MICU3: variants seen among roughly 807,000 people sequenced by gnomAD.
The protein encoded by MICU3 is calcium uptake protein 3, mitochondrial.
Under a neutral mutation model 66.5 loss-of-function variants are expected in MICU3, and 62 were observed. The observed-to-expected ratio is 0.93, with a 90% CI of 0.76 to 1.15. The LOEUF (loss-of-function observed/expected upper bound fraction) is 1.15, where lower values mean the gene tolerates loss of function less well. MICU3 is among the 50% of genes most tolerant of loss of function. The pLI, the probability that MICU3 is intolerant of heterozygous loss-of-function variation, is 0.00. For missense variants in MICU3, 779 were observed against 664.4 expected (o/e 1.17, Z -1.90); for synonymous variants, 308 against 240.7 (o/e 1.28, Z -2.59).
chr8:17,034,125 T>C (rs1056324625), intron 1 of MICU3, among the ~76,000 whole-genome samples: 1 of 152,218 alleles, frequency 6.6e-6, no homozygotes, highest in Non-Finnish European at 1.5e-5. Context: ...TTTACCATTC[T>C]GAAAATCCTA....
At chr8:17,074,947 T>C (rs1245921889) in intron 3 of MICU3, among the ~76,000 whole-genome samples, 1 of 152,094 alleles carries the variant, frequency 6.6e-6, no homozygotes, top group African/African-American at 2.4e-5. Context: ...TTGTTGCAAG[T>C]TTCGGGGCTC....
intron 3 of MICU3, among the ~76,000 whole-genome samples, chr8:17,070,638 G>GAT (rs763016855): frequency 0.058 from 8,070 of 140,078 alleles, 277 homozygotes; most frequent in Non-Finnish European, 0.07. Context: ...TTATAGATAT[G>GAT]TTTTTTTTTT....
chr8:17,119,123 C>G (rs1030297258), intron 14 of MICU3, among the ~76,000 whole-genome samples: 1 of 152,070 alleles, frequency 6.6e-6, no homozygotes, highest in Non-Finnish European at 1.5e-5. Flanking sequence ...AAGTGTTCTT[C>G]CACAGGTAGT....
At chr8:17,126,704 A>G (rs1259816691), downstream of MICU3, among the ~76,000 whole-genome samples, 1 of 152,224 alleles carries the variant, frequency 6.6e-6, no homozygotes, top group Non-Finnish European at 1.5e-5. Flanking sequence ...TATTCGGTGA[A>G]TTTATTCACC....
intron 1 of MICU3, among the ~76,000 whole-genome samples, chr8:17,061,370 G>C (rs1178812245): frequency 6.6e-6 from 1 of 152,122 alleles, no homozygotes; most frequent in African/African-American, 2.4e-5. Context: ...GGCATCTCAG[G>C]AGCGGTAGTG....
chr8:17,105,352 A>G (rs1013910817), intron 10 of MICU3, 61 bp from the exon 11 acceptor site: 41 of 985,396 alleles, frequency 4.2e-5, no homozygotes, highest in Middle Eastern at 3.0e-4. Context: ...GTATTTGCTC[A>G]TCTCCTGTTA....
At chr8:17,069,522 C>T (rs1819227824) in intron 2 of MICU3, among the ~76,000 whole-genome samples, 166 bp from the exon 3 acceptor site, 1 of 151,856 alleles carries the variant, frequency 6.6e-6, no homozygotes, top group Non-Finnish European at 1.5e-5. Context: ...AAATAGATAA[C>T]ATATATAAGA....
chr8:17,043,546 A>T (rs1386326264), intron 1 of MICU3, among the ~76,000 whole-genome samples: 1 of 152,196 alleles, frequency 6.6e-6, no homozygotes, highest in Non-Finnish European at 1.5e-5. Flanking sequence ...GTGAATGGAG[A>T]TCAGTGTGAC....
At chr8:17,113,256 ACTCGGCCTTCTG>A (rs1378141796) in intron 11 of MICU3, among the ~76,000 whole-genome samples, 2 of 152,060 alleles carry the variant, frequency 1.3e-5, no homozygotes, top group East Asian at 3.9e-4. Flanking sequence ...TTAGGCCTCA[ACTCGGCCTTCTG>A]CTCTTCTCTC....
At chr8:17,089,374 T>C (rs1040263700) in intron 7 of MICU3, among the ~76,000 whole-genome samples, 2 of 152,126 alleles carry the variant, frequency 1.3e-5, no homozygotes, top group African/African-American at 4.8e-5. Flanking sequence ...AGGGAGGTTT[T>C]ATTTTATATT....
chr8:17,070,804 T>C (rs187237259), intron 3 of MICU3, among the ~76,000 whole-genome samples: 32 of 152,242 alleles, frequency 2.1e-4, no homozygotes, highest in African/African-American at 7.5e-4. Context: ...GTGGGTAATA[T>C]GCTCTAAGAC....
At chr8:17,109,886 A>T (rs1374292047) in intron 11 of MICU3, among the ~76,000 whole-genome samples, 1 of 152,224 alleles carries the variant, frequency 6.6e-6, no homozygotes, top group Non-Finnish European at 1.5e-5. Flanking sequence ...AATTATTGTT[A>T]TTAAGCTTTA....
In MICU3 at chr8:17,027,265, T is replaced by C. The variant is rs375316594; in HGVS notation, c.-15T>C. ...TCTCTGCCCCCTCCCAGCTCTGGTG[T>C]GGGCGGCCTCCGCTATGGCTGCGCT... is the stretch of plus-strand genomic sequence containing the variant. On this transcript the variant is annotated 5_prime_UTR_variant, in exon 1 of 15. Transcript: ENST00000318063. The C allele has an allele frequency of 3.4e-4, 364 of 1,065,246 alleles. No individual in the cohort carries two copies. Among genetic ancestry groups the C allele is most frequent in the Non-Finnish European group, 4.0e-4 (350 of 865,904 alleles). The allele number at this position is 1,065,246 out of a possible 1,614,324, so 66.0% of individuals were successfully genotyped here.
the MICU3 span, among the ~76,000 whole-genome samples, chr8:17,137,893 T>A: frequency 6.6e-6 from 1 of 151,676 alleles, no homozygotes; most frequent in African/African-American, 2.4e-5. Context: ...AATTTTGTAT[T>A]TTTCGTAGAG....
In MICU3 at chr8:17,064,103, A is replaced by T; in HGVS notation, c.401A>T (p.Asp134Val). The T allele has an allele frequency of 3.7e-6, 6 of 1,611,610 alleles. No homozygotes were observed. The highest frequency in any genetic ancestry group is 5.1e-6 in the Non-Finnish European group (6 of 1,178,674). The change falls in exon 2 of 15, where the codon GAC becomes GTC. Residue 134 changes from aspartate (D) to valine (V), a missense_variant. Coordinates refer to ENST00000318063, the MANE Select transcript of MICU3 (RefSeq NM_181723.3). ...CTTTAGGTTGCTATTGGCAGAACAG[A>T]CATTGAAGACTTAGACCTTTATGCC... is the stretch of plus-strand genomic sequence containing the variant. ...AKETVAIGRT[D>V]IEDLDLYATS...
intron 1 of MICU3, among the ~76,000 whole-genome samples, chr8:17,055,664 C>G (rs776307168): frequency 8.5e-5 from 13 of 152,172 alleles, no homozygotes; most frequent in Non-Finnish European, 1.6e-4. Flanking sequence ...CCTCTCCCTT[C>G]GTTGATAATG....
chr8:17,090,348 T>C (rs1377905062), intron 7 of MICU3, among the ~76,000 whole-genome samples, 198 bp from the exon 8 acceptor site: 1 of 152,100 alleles, frequency 6.6e-6, no homozygotes, highest in Non-Finnish European at 1.5e-5. Context: ...TGTTTAATTA[T>C]CTGAGATTTT....
At chr8:17,052,541 C>T (rs1019099355) in intron 1 of MICU3, among the ~76,000 whole-genome samples, 3 of 152,130 alleles carry the variant, frequency 2.0e-5, no homozygotes, top group African/African-American at 4.8e-5. Flanking sequence ...TGGTAACTAT[C>T]GTTGTACAAT....
downstream of MICU3, among the ~76,000 whole-genome samples, chr8:17,124,212 A>G (rs1803344305): frequency 6.6e-6 from 1 of 152,150 alleles, no homozygotes; most frequent in African/African-American, 2.4e-5. Flanking sequence ...AGTATACAGT[A>G]TAACCTGAGT....
Sources: allele counts gnomAD v4.1 joint callset (sites outside exome capture counted in the v4.1 genomes callset), GRCh38; gene constraint gnomAD v4.1.1; transcripts MANE v1.5; gene names NCBI Gene and HGNC (gene_info 2026-07-23, HGNC 2026-07-21).